DACH1: variants seen among roughly 807,000 people sequenced by gnomAD.
The protein encoded by DACH1 is dachshund homolog 1.
Under a neutral mutation model 54.2 loss-of-function variants are expected in DACH1, and 12 were observed. The observed-to-expected ratio is 0.22, with a 90% CI of 0.14 to 0.36. The LOEUF is 0.36. Ranked by LOEUF, DACH1 falls within the 10% of genes least tolerant of loss-of-function variation. The pLI is 1.00. For synonymous variants in DACH1, 386 were observed against 366.2 expected, an observed-to-expected ratio of 1.05 and a Z score of -0.62; for missense variants, 805 against 929.8, an observed-to-expected ratio of 0.87 and a Z score of 1.75.
At position 71,440,493 on chromosome 13, in the gene DACH1, CT is replaced by C. The variant is rs11391038; in HGVS notation, c.*161del. 0.013 allele frequency: 5,987 copies of C among 443,696 alleles called. No homozygotes were observed. Among genetic ancestry groups the C allele is most frequent in the Non-Finnish European group, 0.016 (3,990 of 255,848 alleles). 27.5% of individuals were successfully genotyped at this position (443,696 alleles called of 1,614,324 possible). On this transcript the variant is annotated 3_prime_UTR_variant, in exon 11 of 11. Coordinates refer to ENST00000613252, the MANE Select transcript of DACH1 (RefSeq NM_080759.6). ...CACAGGTGAAAATCAATGGAGAAAA[CT>C]TTTTTTTTTTTTGTAGAATACTTAA... is the stretch of plus-strand genomic sequence containing the variant.
At chr13:71,514,554 A>C (rs1010404894) in intron 6 of DACH1, among the ~76,000 whole-genome samples, 3 of 151,876 alleles carry the variant, frequency 2.0e-5, no homozygotes, top group African/African-American at 7.2e-5. Context: ...CTATTACTAT[A>C]ACTTTGTTAA....
chr13:71,809,815 C>T, intron 1 of DACH1, among the ~76,000 whole-genome samples: 1 of 152,048 alleles, frequency 6.6e-6, no homozygotes, highest in East Asian at 1.9e-4. Flanking sequence ...CAAAAATTAA[C>T]TAATATGAAG....
chr13:71,752,916 T>A (rs1240368243), intron 1 of DACH1, among the ~76,000 whole-genome samples: 1 of 152,172 alleles, frequency 6.6e-6, no homozygotes, highest in Non-Finnish European at 1.5e-5. Flanking sequence ...ACAGTTCAGA[T>A]ATACTAGTCC....
At chr13:71,736,754 G>A (rs1472223283) in intron 1 of DACH1, among the ~76,000 whole-genome samples, 5 of 152,180 alleles carry the variant, frequency 3.3e-5, no homozygotes, top group East Asian at 3.9e-4. Context: ...TTTCTTAATC[G>A]ATCTGATGTA....
chr13:71,447,811 GAA>G (rs745823885), intron 10 of DACH1, among the ~76,000 whole-genome samples: 1 of 86,602 alleles, frequency 1.2e-5, no homozygotes. Flanking sequence ...CCAGCCTGGA[GAA>G]AAAAAAAAAA....
chr13:71,611,451 C>T (rs550095262), intron 3 of DACH1, among the ~76,000 whole-genome samples: 3 of 152,228 alleles, frequency 2.0e-5, no homozygotes, highest in Admixed American at 6.5e-5. Flanking sequence ...GTATTAATAG[C>T]GGAATAGATC....
chr13:71,670,174 G>T (rs1880124228), intron 2 of DACH1, among the ~76,000 whole-genome samples: 2 of 152,080 alleles, frequency 1.3e-5, no homozygotes, highest in Non-Finnish European at 2.9e-5. Context: ...ATGATAAAAA[G>T]CTCTCCCATT....
intron 2 of DACH1, among the ~76,000 whole-genome samples, chr13:71,654,685 T>C (rs978861797): frequency 5.9e-5 from 9 of 151,990 alleles, no homozygotes; most frequent in Non-Finnish European, 7.4e-5. Flanking sequence ...TGAGTTTTCA[T>C]AAGCATTACA....
intron 3 of DACH1, among the ~76,000 whole-genome samples, chr13:71,611,715 T>C (rs1875342238): frequency 6.6e-6 from 1 of 152,202 alleles, no homozygotes; most frequent in Non-Finnish European, 1.5e-5. Context: ...ACATGCTTTT[T>C]TCGTAGTCAA....
intron 2 of DACH1, among the ~76,000 whole-genome samples, chr13:71,678,406 G>T (rs916712647): frequency 1.8e-4 from 27 of 152,266 alleles, no homozygotes; most frequent in Admixed American, 5.9e-4. Context: ...TACATAAAAA[G>T]AGAAATCATA....
In DACH1 at chr13:71,479,316, C is replaced by T. The variant is rs368079618; in HGVS notation, c.1723G>A (p.Gly575Arg). The stretch of plus-strand genomic sequence containing the variant: ...TTATCTATGGCAACTTTCAACAGCC[C>T]CTGTACAAAGAAGATATTCGGAATG... Reference protein sequence around the residue: ...SIETLLTNIQGLLKVAIDNAR... With the variant: ...SIETLLTNIQRLLKVAIDNAR... The change falls in exon 8 of 11, where the codon GGG (glycine) becomes AGG (arginine). Residue 575 changes from glycine to arginine, a missense_variant and splice_region_variant. By Grantham distance (125) the Gly-to-Arg change is moderately radical. Around this residue, in one of 3 missense-constraint regions of DACH1, gnomAD observed 472 missense variants for 545.3 expected, o/e 0.87. Coordinates refer to ENST00000613252, the MANE Select transcript of DACH1 (RefSeq NM_080759.6). 1 of 1,608,714 alleles carries T rather than the reference C, an allele frequency of 6.2e-7. No individual in the cohort carries two copies. The highest frequency in any genetic ancestry group is 1.3e-5 in the African/African-American group (1 of 74,502).
At chr13:71,783,185 G>A (rs1886455091) in intron 1 of DACH1, among the ~76,000 whole-genome samples, 1 of 152,128 alleles carries the variant, frequency 6.6e-6, no homozygotes, top group Non-Finnish European at 1.5e-5. Context: ...GGGATTTGGA[G>A]GTCTAACATC....
chr13:71,585,764 A>C (rs915676394), intron 3 of DACH1, among the ~76,000 whole-genome samples: 3 of 152,176 alleles, frequency 2.0e-5, no homozygotes, highest in Non-Finnish European at 4.4e-5. Context: ...AAAGTGATGT[A>C]TCAGATAGTC....
intron 1 of DACH1, among the ~76,000 whole-genome samples, chr13:71,705,006 T>C (rs1882362403): frequency 6.6e-6 from 1 of 152,212 alleles, no homozygotes; most frequent in Non-Finnish European, 1.5e-5. Flanking sequence ...ATTTCTCTGA[T>C]ACATTTTGAT....
chr13:71,843,895 C>A (rs532161931), intron 1 of DACH1, among the ~76,000 whole-genome samples: 11 of 152,276 alleles, frequency 7.2e-5, no homozygotes, highest in African/African-American at 2.6e-4. Context: ...AACATTTATT[C>A]CTTATCAATA....
At chr13:71,514,698 C>T (rs755053247) in intron 6 of DACH1, among the ~76,000 whole-genome samples, 19 of 151,776 alleles carry the variant, frequency 1.3e-4, no homozygotes, top group Non-Finnish European at 2.2e-4. Context: ...TATATGTGTA[C>T]ATTTCTTTCA....
chr13:71,712,749 T>C (rs1333288051), intron 1 of DACH1, among the ~76,000 whole-genome samples: 1 of 152,144 alleles, frequency 6.6e-6, no homozygotes, highest in Non-Finnish European at 1.5e-5. Flanking sequence ...TAAATACTTA[T>C]TTCAACCTAT....
At chr13:71,721,832 T>C (rs2138804678) in intron 1 of DACH1, among the ~76,000 whole-genome samples, 1 of 152,288 alleles carries the variant, frequency 6.6e-6, no homozygotes, top group East Asian at 1.9e-4. Flanking sequence ...AGATGAAAGT[T>C]CTTAACAATA....
chr13:71,771,228 A>G (rs1159206608), intron 1 of DACH1, among the ~76,000 whole-genome samples: 1 of 151,162 alleles, frequency 6.6e-6, no homozygotes. Context: ...TTTAGTCAAT[A>G]GAAAGAAATA....
Sources: gnomAD v4.1 joint callset for allele counts (sites outside exome capture counted in the v4.1 genomes callset) on GRCh38, gnomAD v4.1.1 for gene constraint, gnomAD v4.1.1 regional missense constraint, MANE v1.5 for transcripts, NCBI Gene and HGNC (gene_info 2026-07-23, HGNC 2026-07-21) for gene names.